Variants in KIF24 observed in about 807,000 individuals in gnomAD.
KIF24 encodes kinesin-like protein KIF24.
KIF24 carries 81 observed loss-of-function variants against 118.9 expected under a neutral mutation model. The observed-to-expected ratio is 0.68, with a 90% CI of 0.57 to 0.82. KIF24 has a LOEUF of 0.82. Among genes scored for constraint, KIF24 ranks in the 40% least tolerant of loss-of-function variants. The pLI is 0.00. For synonymous variants in KIF24, 599 were observed against 610.0 expected (o/e 0.98, Z 0.27); for missense variants, 1,560 against 1,661.6 (o/e 0.94, Z 1.06).
intron 5 of KIF24, among the ~76,000 whole-genome samples, chr9:34,287,526 C>T (rs943772120): frequency 6.6e-6 from 1 of 152,126 alleles, no homozygotes; most frequent in Admixed American, 6.6e-5. Context: ...TTATTTTTCC[C>T]TCTTAATAAG....
Position 34,311,204 on chromosome 9 carries a change from A to G in KIF24, c.143T>C (p.Met48Thr), listed in dbSNP as rs1381688849. The G allele has an allele frequency of 6.2e-7, 1 of 1,613,446 alleles. No homozygotes were observed. ...KDYSKLGVHD[M>T]NDRKRLFQLI... is the part of the protein sequence containing the mutation. The stretch of plus-strand genomic sequence containing the variant: ...TTGGAAGAGACGTTTGCGGTCGTTC[A>G]TGTCATGGACTCCTAATTTGGAGTA... The change falls in exon 2 of 13, where the codon ATG becomes ACG. Residue 48 changes from methionine (M) to threonine (T), a missense_variant. This residue lies in a region of KIF24 where 964 missense variants were observed against 988.0 expected (regional missense o/e 0.98). Transcript: ENST00000402558.
chr9:34,270,688 GCTCAAGAGATTCT>G (rs1835471536), intron 7 of KIF24, among the ~76,000 whole-genome samples: 1 of 150,518 alleles, frequency 6.6e-6, no homozygotes, highest in Non-Finnish European at 1.5e-5. Flanking sequence ...TAACTCCTAG[GCTCAAGAGATTCT>G]CTCACCTTGC....
Position 34,254,071 on chromosome 9 carries a change from C to T in KIF24, c.*309G>A, listed in dbSNP as rs1834717647. The T allele has an allele frequency of 8.3e-6, 2 of 240,656 alleles. No individual in the cohort carries two copies. The highest frequency in any genetic ancestry group is 5.5e-5 in the Admixed American group (1 of 18,232). The allele number at this position is 240,656 out of a possible 1,614,324, so 14.9% of individuals were successfully genotyped here. A position where few individuals can be genotyped will look rare whatever the true frequency, so the allele number is the denominator to read the frequency against. On this transcript the variant is annotated 3_prime_UTR_variant, in exon 13 of 13. Transcript: ENST00000402558. ...TTAGAAACTTCAGGGTTATTAGACC[C>T]AAATATATTCCCACAGGCAAGGGGT...
rs1834855495 is a variant in KIF24 at position 34,256,598 on chromosome 9, T to C, written c.3009A>G (p.Thr1003=). ...TGACTTCTCTCAGAGGTGTGGTGAC[T>C]GTGTCTCTTTGGTCTGGGGATCCAG... The part of the protein sequence containing the change: ...AVPGSPDQRD[T]VTTPLREVSA... Residue 1003 remains threonine (T), a synonymous_variant, in exon 11 of 13, where the codon ACA becomes ACG. Coordinates refer to ENST00000402558, the MANE Select transcript of KIF24 (RefSeq NM_194313.4). 6.2e-7 allele frequency: 1 copy of C among 1,614,014 alleles called. No individual in the cohort carries two copies. The highest frequency in any genetic ancestry group is 1.3e-5 in the African/African-American group (1 of 75,046).
At chr9:34,300,435 C>T (rs980208375) in intron 3 of KIF24, among the ~76,000 whole-genome samples, 2 of 151,020 alleles carry the variant, frequency 1.3e-5, no homozygotes, top group Admixed American at 6.6e-5. Flanking sequence ...GTGGCGTGAT[C>T]TTGGCTCACT....
At chr9:34,320,316 CAATAAAATGTTCCAACAAAAAAAA>C (rs1837472139) in intron 1 of KIF24, among the ~76,000 whole-genome samples, 1 of 126,568 alleles carries the variant, frequency 7.9e-6, no homozygotes, top group South Asian at 2.4e-4. Context: ...TTTTTCTTTT[CAATAAAATGTTCCAACAAAAAAAA>C]AAAAAAAAGA....
At chr9:34,283,151 GA>G (rs1323678912) in intron 6 of KIF24, among the ~76,000 whole-genome samples, 1 of 151,278 alleles carries the variant, frequency 6.6e-6, no homozygotes, top group Non-Finnish European at 1.5e-5. Context: ...AGGATTGCTT[GA>G]GTCCAGGAGA....
rs1481582006 is a variant in KIF24, at chr9:34,296,384, G to A, written c.911+633C>T. Among the ~76,000 whole-genome samples, 108 of 145,284 alleles carry A rather than the reference G, an allele frequency of 7.4e-4. No homozygotes were observed. The East Asian group carries it at 0.016, about 21-fold the overall frequency. On this transcript the variant is annotated intron_variant, in intron 4 of 12. Transcript: ENST00000402558. Reference sequence around the variant, plus strand: ...TACTAAAAATACAAAAAAATTAGCCGGGCGTGGTGGCGGGCGCCTGTAGTC... The same window carrying A: ...TACTAAAAATACAAAAAAATTAGCCAGGCGTGGTGGCGGGCGCCTGTAGTC...
chr9:34,278,758 A>C (rs1282688999), intron 6 of KIF24, among the ~76,000 whole-genome samples: 1 of 152,176 alleles, frequency 6.6e-6, no homozygotes, highest in Non-Finnish European at 1.5e-5. Flanking sequence ...AAGTTTCTAA[A>C]TCTAGGTTCT....
intron 1 of KIF24, among the ~76,000 whole-genome samples, chr9:34,313,708 C>T (rs1332956965): frequency 9.9e-5 from 15 of 150,910 alleles, no homozygotes; most frequent in Admixed American, 9.9e-4. Context: ...TATCCCCTGC[C>T]TCTCACATGT....
Position 34,290,238 on chromosome 9 carries a change from C to A in KIF24, c.1063G>T (p.Val355Leu). 1 of 1,613,914 alleles carries A rather than the reference C, an allele frequency of 6.2e-7. No homozygotes were observed. The highest frequency in any genetic ancestry group is 1.3e-5 in the African/African-American group (1 of 75,030). ...EVSQPRKHLF[V>L]WISFYEIYCG... ...TAAATTTCATAGAAGCTGATCCACA[C>A]AAAGAGGTGCTTTCTTGGCTGGGAC... Residue 355 changes from valine (V) to leucine (L), a missense_variant, in exon 5 of 13, where the codon GTG becomes TTG. Transcript: ENST00000402558.
chr9:34,286,586 G>C (rs1480582849), intron 6 of KIF24, 31 bp downstream of exon 6: 1 of 1,442,074 alleles, frequency 6.9e-7, no homozygotes, highest in Non-Finnish European at 9.8e-7. Flanking sequence ...CACTGTTGTG[G>C]TGGGGTAATA....
chr9:34,288,472 A>G (rs905275130), intron 5 of KIF24, among the ~76,000 whole-genome samples: 3 of 151,920 alleles, frequency 2.0e-5, no homozygotes, highest in Non-Finnish European at 4.4e-5. Context: ...TGGGCGACAG[A>G]GCAATACCTT....
intron 6 of KIF24, among the ~76,000 whole-genome samples, chr9:34,281,043 T>G (rs538773584): frequency 1.3e-5 from 2 of 152,336 alleles, no homozygotes; most frequent in South Asian, 4.1e-4. Flanking sequence ...CTTTCTTTTT[T>G]GAGATGGAGT....
intron 6 of KIF24, among the ~76,000 whole-genome samples, chr9:34,286,219 AGC>A (rs1055298233): frequency 1.3e-5 from 2 of 152,170 alleles, no homozygotes; most frequent in Non-Finnish European, 2.9e-5. Context: ...CTGTAATCTC[AGC>A]TACTCAGGAG....
At chr9:34,298,559 G>GA (rs1836575420) in intron 3 of KIF24, among the ~76,000 whole-genome samples, 2 of 148,368 alleles carry the variant, frequency 1.3e-5, no homozygotes, top group Admixed American at 6.8e-5. Context: ...AAAAAAAAAA[G>GA]AGACAGAATA....
intron 1 of KIF24, among the ~76,000 whole-genome samples, chr9:34,320,540 C>T (rs2131831463): frequency 6.6e-6 from 1 of 150,826 alleles, no homozygotes; most frequent in East Asian, 2.0e-4. Flanking sequence ...CACCTGTAAT[C>T]CCAGCTACTC....
At chr9:34,326,342 A>G (rs1358391294) in intron 1 of KIF24, among the ~76,000 whole-genome samples, 1 of 152,214 alleles carries the variant, frequency 6.6e-6, no homozygotes, top group Non-Finnish European at 1.5e-5. Context: ...ACAGGGCGAC[A>G]GAGTAAGAGC....
At chr9:34,286,156 A>G (rs1248844579) in intron 6 of KIF24, among the ~76,000 whole-genome samples, 1 of 151,734 alleles carries the variant, frequency 6.6e-6, no homozygotes, top group Non-Finnish European at 1.5e-5. Context: ...CAACATGGTG[A>G]AACCCTGTCT....
Sources: allele counts gnomAD v4.1 joint callset (sites outside exome capture counted in the v4.1 genomes callset), GRCh38; gene constraint gnomAD v4.1.1; regional missense constraint gnomAD v4.1.1; transcripts MANE v1.5; gene names NCBI Gene and HGNC (gene_info 2026-07-23, HGNC 2026-07-21).